The following OSBPL11 variants were observed in gnomAD, a reference collection of about 807,000 sequenced individuals.
The protein encoded by OSBPL11 is oxysterol binding protein like 11.
A neutral mutation model predicts 84.4 loss-of-function variants in OSBPL11; 33 were observed. That is an observed-to-expected ratio of 0.39 (90% CI 0.30 to 0.52). The LOEUF is 0.52. Ranked by LOEUF, OSBPL11 falls within the 20% of genes least tolerant of loss-of-function variation. The pLI, the probability that OSBPL11 is intolerant of heterozygous loss-of-function variation, is 0.72. For missense variants in OSBPL11, 736 were observed against 901.1 expected, an observed-to-expected ratio of 0.82 and a Z score of 2.35; for synonymous variants, 276 against 310.2, an observed-to-expected ratio of 0.89 and a Z score of 1.16.
At chr3:125,535,855 G>T (rs555630036) in intron 11 of OSBPL11, among the ~76,000 whole-genome samples, 6 of 151,928 alleles carry the variant, frequency 3.9e-5, no homozygotes, top group Non-Finnish European at 7.4e-5. Flanking sequence ...AATCTGGGCC[G>T]GGCATGGTGG....
intron 1 of OSBPL11, among the ~76,000 whole-genome samples, chr3:125,588,581 G>A (rs776211065): frequency 1.3e-5 from 2 of 152,156 alleles, no homozygotes; most frequent in African/African-American, 2.4e-5. Flanking sequence ...GAGGTACCAG[G>A]CAAGTCACAT....
chr3:125,578,752 CAG>C (rs1168423623), intron 4 of OSBPL11, among the ~76,000 whole-genome samples: 1 of 150,578 alleles, frequency 6.6e-6, no homozygotes, highest in African/African-American at 2.4e-5. Flanking sequence ...GCCTGGGCCA[CAG>C]AGAGAGACTC....
chr3:125,593,384 C>G (rs548551323), intron 1 of OSBPL11, among the ~76,000 whole-genome samples: 5 of 152,272 alleles, frequency 3.3e-5, no homozygotes, highest in African/African-American at 1.2e-4. Flanking sequence ...CTTTGGGAAG[C>G]AGAGGAGGGC....
chr3:125,537,852 T>C (rs1402768951), intron 11 of OSBPL11, among the ~76,000 whole-genome samples: 1 of 152,180 alleles, frequency 6.6e-6, no homozygotes, highest in Admixed American at 6.5e-5. Flanking sequence ...TATTAACACG[T>C]ATAGATCCAC....
In OSBPL11 at chr3:125,585,275, C is replaced by T. The variant is rs561781368; in HGVS notation, c.165-2297G>A. On this transcript the variant is annotated intron_variant, in intron 1 of 12. Coordinates refer to ENST00000296220, the MANE Select transcript of OSBPL11 (RefSeq NM_022776.5). ...CCTGCCAAGTAGCTGGGACTACAGG[C>T]ACCTGCTACCATGCCCACCTAATTT... 2.0e-5 allele frequency among the ~76,000 whole-genome samples: 3 copies of T among 152,154 alleles called. No homozygotes were observed. In the South Asian group the frequency reaches 6.2e-4, roughly 32 times the overall value.
chr3:125,590,066 T>C (rs550819612), intron 1 of OSBPL11, among the ~76,000 whole-genome samples: 1 of 152,090 alleles, frequency 6.6e-6, no homozygotes, highest in African/African-American at 2.4e-5. Flanking sequence ...ACATGAAGAA[T>C]ACAAAAATAA....
intron 12 of OSBPL11, among the ~76,000 whole-genome samples, chr3:125,531,454 G>T (rs1219928636): frequency 6.6e-6 from 1 of 151,380 alleles, no homozygotes; most frequent in Non-Finnish European, 1.5e-5. Context: ...ACCACACCTG[G>T]CTAATGTTGT....
rs558669510 is a variant in OSBPL11 at position 125,566,565 on chromosome 3, A to G, written c.868+829T>C. On this transcript the variant is annotated intron_variant, in intron 6 of 12. Coordinates refer to ENST00000296220, the MANE Select transcript of OSBPL11 (RefSeq NM_022776.5). ...TACCTTTCTAAAATACCTTTCTTTT[A>G]TGAGTAAGGTGAATTAGTTAAATAA... Among the ~76,000 whole-genome samples the G allele has an allele frequency of 1.9e-4, 29 of 152,204 alleles. 1 individual carries two copies. In the South Asian group the frequency reaches 6.0e-3, roughly 32 times the overall value.
intron 10 of OSBPL11, 44 bp downstream of exon 10, chr3:125,547,362 A>T (rs561948155): frequency 7.5e-5 from 115 of 1,531,300 alleles, no homozygotes; most frequent in Non-Finnish European, 8.1e-5. Flanking sequence ...ATACAAAATC[A>T]AAGTGGAAGA....
At chr3:125,545,240 T>G (rs1304170111) in intron 10 of OSBPL11, among the ~76,000 whole-genome samples, 2 of 152,204 alleles carry the variant, frequency 1.3e-5, no homozygotes, top group Non-Finnish European at 2.9e-5. Flanking sequence ...CCTTTAGAAT[T>G]TAGTGCCAGG....
chr3:125,594,755 C>T lies in OSBPL11; in HGVS notation c.46G>A (p.Glu16Lys), dbSNP rs1936654729. Reference protein sequence around the residue: ...PVSTMKVSESEGKLEGQATAV... With the variant: ...PVSTMKVSESKGKLEGQATAV... ...GTGGCCTGGCCCTCCAGCTTTCCTT[C>T]GCTCTCCGAGACTTTCATTGTGGAC... is the stretch of plus-strand genomic sequence containing the variant. Residue 16 changes from glutamate (E) to lysine (K), a missense_variant, in exon 1 of 13, where the codon GAA (glutamate) becomes AAA (lysine). Glu to Lys is a moderately conservative substitution (Grantham distance 56). This residue lies in a region of OSBPL11 where 114 missense variants were observed against 104.9 expected (regional missense o/e 1.09). Transcript: ENST00000296220. 5.0e-6 allele frequency: 8 copies of T among 1,614,100 alleles called. No homozygotes were observed. The highest frequency in any genetic ancestry group is 5.9e-6 in the Non-Finnish European group (7 of 1,180,036).
chr3:125,530,462 ATT>A lies in OSBPL11; in HGVS notation c.*51_*52del. 1 of 1,511,718 alleles carries A rather than the reference ATT, an allele frequency of 6.6e-7. No individual in the cohort carries two copies. Among genetic ancestry groups the A allele is most frequent in the Non-Finnish European group, 9.2e-7 (1 of 1,087,408 alleles). The allele number at this position is 1,511,718 out of a possible 1,614,324, so 93.6% of individuals were successfully genotyped here. ...AGTGCAATGACTCCATTCTGGGAGG[ATT>A]TAGGGTAAACAGAGAAGAACCTCAT... On this transcript the variant is annotated 3_prime_UTR_variant, in exon 13 of 13. Transcript: ENST00000296220.
At chr3:125,538,421 C>CT in intron 11 of OSBPL11, 30 bp downstream of exon 11, 3 of 1,596,320 alleles carry the variant, frequency 1.9e-6, no homozygotes, top group Non-Finnish European at 2.6e-6. Context: ...GCATCTGACT[C>CT]TTTCCTGGAT....
chr3:125,559,812 C>T (rs557806679), intron 8 of OSBPL11, among the ~76,000 whole-genome samples: 7 of 151,936 alleles, frequency 4.6e-5, no homozygotes, highest in Admixed American at 2.6e-4. Flanking sequence ...CTCGGCCTCC[C>T]GAGGAGAGTG....
chr3:125,576,950 C>G (rs919230550), intron 4 of OSBPL11, among the ~76,000 whole-genome samples: 4 of 152,190 alleles, frequency 2.6e-5, no homozygotes, highest in Admixed American at 2.0e-4. Context: ...TCCCGAAGTG[C>G]TGGGATTATA....
intron 11 of OSBPL11, among the ~76,000 whole-genome samples, chr3:125,535,026 C>G (rs1399830805): frequency 8.9e-6 from 1 of 111,820 alleles, no homozygotes; most frequent in South Asian, 2.8e-4. Context: ...TATAAAAGAG[C>G]AAAATTCAAT....
intron 9 of OSBPL11, among the ~76,000 whole-genome samples, chr3:125,549,468 T>C (rs1465847466): frequency 6.6e-6 from 1 of 152,194 alleles, no homozygotes; most frequent in Non-Finnish European, 1.5e-5. Context: ...ATGAATGCTT[T>C]TCTCCATTTC....
intron 4 of OSBPL11, among the ~76,000 whole-genome samples, chr3:125,578,522 T>C (rs1936367955): frequency 6.6e-6 from 1 of 152,180 alleles, no homozygotes; most frequent in African/African-American, 2.4e-5. Flanking sequence ...GGTGGGCGGA[T>C]CACTTGAGGT....
At chr3:125,571,782 C>G (rs540746753) in intron 5 of OSBPL11, among the ~76,000 whole-genome samples, 1 of 152,198 alleles carries the variant, frequency 6.6e-6, no homozygotes, top group African/African-American at 2.4e-5. Flanking sequence ...CACCTGGATG[C>G]CCAGGCAGAG....
Sources: gnomAD v4.1 joint callset for allele counts (sites outside exome capture counted in the v4.1 genomes callset) on GRCh38, gnomAD v4.1.1 for gene constraint, gnomAD v4.1.1 regional missense constraint, MANE v1.5 for transcripts, NCBI Gene and HGNC (gene_info 2026-07-23, HGNC 2026-07-21) for gene names.